The following PDE1A variants were observed in gnomAD, a reference collection of about 807,000 sequenced individuals.
PDE1A encodes the protein dual specificity calcium/calmodulin-dependent 3',5'-cyclic nucleotide phosphodiesterase 1A.
A neutral mutation model predicts 61.7 loss-of-function variants in PDE1A; 35 were observed. The observed-to-expected ratio is 0.57, with a 90% CI of 0.43 to 0.75. The LOEUF (loss-of-function observed/expected upper bound fraction) is 0.75, where lower values mean the gene tolerates loss of function less well. Among genes scored for constraint, PDE1A ranks in the 30% least tolerant of loss-of-function variants. The pLI, the probability that PDE1A is intolerant of heterozygous loss-of-function variation, is 0.00. For synonymous variants in PDE1A, 232 were observed against 213.2 expected, an observed-to-expected ratio of 1.09 and a Z score of -0.77; for missense variants, 597 against 630.6, an observed-to-expected ratio of 0.95 and a Z score of 0.57.
intron 2 of PDE1A, among the ~76,000 whole-genome samples, chr2:182,256,143 G>C: frequency 1.5e-5 from 2 of 134,162 alleles, no homozygotes; most frequent in Admixed American, 8.1e-5. Context: ...GTGCAGGTTA[G>C]TTACATATGT....
the PDE1A span, among the ~76,000 whole-genome samples, chr2:182,684,016 T>C: frequency 1.3e-5 from 2 of 150,882 alleles, no homozygotes; most frequent in African/African-American, 4.9e-5. Context: ...CCAGATACCT[T>C]AGAGGCTGAG....
intron 2 of PDE1A, among the ~76,000 whole-genome samples, chr2:182,448,374 G>A (rs963584525): frequency 6.6e-6 from 1 of 151,818 alleles, no homozygotes. Context: ...TTAAAGACTG[G>A]TAGTTTAGAA....
At chr2:182,607,844 G>A in the PDE1A span, among the ~76,000 whole-genome samples, 1 of 152,172 alleles carries the variant, frequency 6.6e-6, no homozygotes, top group Admixed American at 6.5e-5. Flanking sequence ...AACTAAGTGG[G>A]AGTGAATAAA....
chr2:182,256,038 C>CTTTTTTTTTTTTTTTTTTTTCTTT (rs1691770650), intron 2 of PDE1A, among the ~76,000 whole-genome samples: 2 of 92,336 alleles, frequency 2.2e-5, no homozygotes, highest in African/African-American at 4.1e-5. Flanking sequence ...AGGATGACTT[C>CTTTTTTTTTTTTTTTTTTTTCTTT]TTTTTTTTTT....
At chr2:182,219,601 T>G (rs1688548042) in intron 7 of PDE1A, among the ~76,000 whole-genome samples, 1 of 152,124 alleles carries the variant, frequency 6.6e-6, no homozygotes, top group Non-Finnish European at 1.5e-5. Flanking sequence ...ACACCGAGGC[T>G]TCTCTCACTC....
At chr2:182,269,490 CA>C (rs1215247934) in intron 1 of PDE1A, among the ~76,000 whole-genome samples, 4 of 148,452 alleles carry the variant, frequency 2.7e-5, no homozygotes, top group African/African-American at 7.4e-5. Flanking sequence ...AAATCTGTCT[CA>C]AAAAAAATAA....
chr2:182,145,703 T>C (rs1039157341), downstream of PDE1A, among the ~76,000 whole-genome samples: 6 of 152,138 alleles, frequency 3.9e-5, no homozygotes, highest in Admixed American at 1.3e-4. Flanking sequence ...CACTCCAGCC[T>C]GGGCAACAGA....
In PDE1A at chr2:182,349,875, G is replaced by A. The variant is rs191189117; in HGVS notation, c.53+76703C>T. Among the ~76,000 whole-genome samples the A allele has an allele frequency of 7.9e-5, 12 of 152,228 alleles. No individual in the cohort carries two copies. The East Asian group carries it at 2.3e-3, about 29-fold the overall frequency. Reference sequence around the variant, plus strand: ...AGTAGGCGAGTAGCAGTGAATAGAAGAATGCAAGATTTTTTTACTACTGTA... The same window carrying A: ...AGTAGGCGAGTAGCAGTGAATAGAAAAATGCAAGATTTTTTTACTACTGTA... On this transcript the variant is annotated intron_variant, in intron 1 of 13. Transcript: ENST00000351439.
At chr2:182,307,021 C>T (rs1003169274) in intron 1 of PDE1A, among the ~76,000 whole-genome samples, 18 of 152,108 alleles carry the variant, frequency 1.2e-4, no homozygotes, top group Admixed American at 1.1e-3. Context: ...AACCTACCAA[C>T]TGGGAGAAAT....
chr2:182,714,352 T>G, the PDE1A span, among the ~76,000 whole-genome samples: 1 of 152,110 alleles, frequency 6.6e-6, no homozygotes, highest in Non-Finnish European at 1.5e-5. Flanking sequence ...TTTCTCCTAT[T>G]TTTTCTCCAA....
chr2:182,266,064 A>G (rs1390423407), intron 1 of PDE1A, among the ~76,000 whole-genome samples: 2 of 152,326 alleles, frequency 1.3e-5, no homozygotes, highest in East Asian at 3.9e-4. Context: ...TATGGGAAAA[A>G]AAAGACACAC....
At chr2:182,450,840 G>GA (rs1176254730) in intron 2 of PDE1A, among the ~76,000 whole-genome samples, 6 of 151,882 alleles carry the variant, frequency 4.0e-5, no homozygotes, top group East Asian at 1.9e-4. Flanking sequence ...ACTATAAAGG[G>GA]AAAAAAGCAG....
chr2:182,502,896 T>C (rs1421997916), intron 2 of PDE1A, among the ~76,000 whole-genome samples: 1 of 152,170 alleles, frequency 6.6e-6, no homozygotes, highest in Admixed American at 6.5e-5. Context: ...ATTTTTGAAA[T>C]AGGCACATTA....
intron 1 of PDE1A, among the ~76,000 whole-genome samples, chr2:182,358,479 T>C (rs1699321579): frequency 6.6e-6 from 1 of 152,170 alleles, no homozygotes; most frequent in African/African-American, 2.4e-5. Flanking sequence ...ATGTTTTTCA[T>C]CCCTTATCTA....
Position 182,264,889 on chromosome 2 carries a change from A to ATATATATATATATATATATATG in PDE1A, c.54-476_54-475insCATATATATATATATATATATA, listed in dbSNP as rs1223035626. 5.5e-3 allele frequency among the ~76,000 whole-genome samples: 772 copies of ATATATATATATATATATATATG among 140,208 alleles called. 12 individuals are homozygous for ATATATATATATATATATATATG. Among genetic ancestry groups the ATATATATATATATATATATATG allele is most frequent in the South Asian group, 0.022 (94 of 4,234 alleles). 92.0% of individuals were successfully genotyped at this position (140,208 alleles called of 152,430 possible). A position where few individuals can be genotyped will look rare whatever the true frequency, so the allele number is the denominator to read the frequency against. ...GTGGTATATATATACATATATATAT[A>ATATATATATATATATATATATG]TATGTATATATATACACCATGGAAT... On this transcript the variant is annotated intron_variant, in intron 1 of 13. Coordinates refer to ENST00000351439, the Ensembl canonical transcript of PDE1A.
the PDE1A span, among the ~76,000 whole-genome samples, chr2:182,630,497 T>C: frequency 1.3e-5 from 2 of 152,124 alleles, no homozygotes; most frequent in African/African-American, 4.8e-5. Flanking sequence ...TCAAATACAA[T>C]AAATTACAGC....
At chr2:182,418,197 T>C (rs770397417) in intron 1 of PDE1A, among the ~76,000 whole-genome samples, 41 of 152,298 alleles carry the variant, frequency 2.7e-4, no homozygotes, top group Middle Eastern at 6.8e-3. Context: ...CCCAAAATTA[T>C]GTAATTAATT....
chr2:182,489,153 G>A (rs1250436104), intron 2 of PDE1A, among the ~76,000 whole-genome samples: 1 of 152,170 alleles, frequency 6.6e-6, no homozygotes, highest in Non-Finnish European at 1.5e-5. Context: ...CACTATGAAT[G>A]TATCTCAGAC....
At chr2:182,516,848 AGGGAGGGAGGG>A (rs1690229793) in intron 2 of PDE1A, among the ~76,000 whole-genome samples, 1 of 34,618 alleles carries the variant, frequency 2.9e-5, no homozygotes, top group Non-Finnish European at 5.5e-5. Flanking sequence ...GGAGGGAGGG[AGGGAGGGAGGG>A]AGGGAGGAAG....
Sources: allele counts gnomAD v4.1 joint callset (sites outside exome capture counted in the v4.1 genomes callset), GRCh38; gene constraint gnomAD v4.1.1; transcripts MANE v1.5; gene names NCBI Gene and HGNC (gene_info 2026-07-23, HGNC 2026-07-21).